The following CLYBL variants were observed in gnomAD, a reference collection of about 807,000 sequenced individuals.
The protein encoded by CLYBL is citramalyl-CoA lyase, also known as citramalyl-CoA lyase, mitochondrial.
CLYBL carries 31 observed loss-of-function variants against 38.9 expected under a neutral mutation model. The observed-to-expected ratio is 0.80, with a 90% CI of 0.60 to 1.08. The LOEUF is 1.08. Among genes scored for constraint, CLYBL ranks in the 50% least tolerant of loss-of-function variants. CLYBL has a pLI of 0.00. For missense variants in CLYBL, 434 were observed against 411.6 expected (o/e 1.05, Z -0.47); for synonymous variants, 171 against 158.6 (o/e 1.08, Z -0.59).
At chr13:99,889,863 A>G (rs190925156) in intron 7 of CLYBL, among the ~76,000 whole-genome samples, 1 of 152,124 alleles carries the variant, frequency 6.6e-6, no homozygotes, top group Admixed American at 6.5e-5. Flanking sequence ...GGGAATTGGT[A>G]CTTGTGAAAT....
chr13:99,828,384 A>G (rs888564106), intron 2 of CLYBL, among the ~76,000 whole-genome samples: 1 of 152,368 alleles, frequency 6.6e-6, no homozygotes, highest in African/African-American at 2.4e-5. Context: ...AGCTGTTCCC[A>G]CAGAAACAGC....
chr13:99,879,508 T>C (rs1267186289), intron 7 of CLYBL, among the ~76,000 whole-genome samples: 1 of 152,230 alleles, frequency 6.6e-6, no homozygotes, highest in Non-Finnish European at 1.5e-5. Flanking sequence ...TGCATTTGAT[T>C]AGCGTCTGTC....
chr13:99,723,546 C>T lies in CLYBL; in HGVS notation c.63-49278C>T, dbSNP rs528274826. Among the ~76,000 whole-genome samples, 54 of 152,272 alleles carry T rather than the reference C, an allele frequency of 3.5e-4. 1 individual carries two copies. Among genetic ancestry groups the T allele is most frequent in the African/African-American group, 1.2e-3 (49 of 41,550 alleles). On this transcript the variant is annotated intron_variant, in intron 1 of 8. Coordinates refer to ENST00000339105, the MANE Select transcript of CLYBL (RefSeq NM_206808.5). ...AATCTGAAATTTAGATTAAATAGGG[C>T]TGTAATCGTAATGTGAGTCAAGAGG...
At chr13:99,612,386 C>CTTTTTTTTTTTT (rs56097059) in intron 1 of CLYBL, among the ~76,000 whole-genome samples, 12 of 112,346 alleles carry the variant, frequency 1.1e-4, no homozygotes, top group East Asian at 8.3e-4. Context: ...GACCTTTCTA[C>CTTTTTTTTTTTT]TTTTTTTTTT....
At chr13:99,757,604 G>A (rs2049089740) in intron 1 of CLYBL, among the ~76,000 whole-genome samples, 1 of 152,026 alleles carries the variant, frequency 6.6e-6, no homozygotes, top group Non-Finnish European at 1.5e-5. Context: ...TACAGGCACC[G>A]GCCACACTAT....
chr13:99,840,432 C>T (rs918580873), intron 2 of CLYBL, among the ~76,000 whole-genome samples: 2 of 151,836 alleles, frequency 1.3e-5, no homozygotes, highest in Non-Finnish European at 2.9e-5. Flanking sequence ...GGCAACATAG[C>T]GACAGCCTGT....
intron 1 of CLYBL, among the ~76,000 whole-genome samples, chr13:99,640,726 A>C (rs2047081130): frequency 6.6e-6 from 1 of 152,296 alleles, no homozygotes; most frequent in African/African-American, 2.4e-5. Flanking sequence ...GAAGTGTTCA[A>C]TTAGAAACTG....
chr13:99,692,360 C>T (rs975976158), intron 1 of CLYBL, among the ~76,000 whole-genome samples: 4 of 151,026 alleles, frequency 2.6e-5, no homozygotes, highest in Non-Finnish European at 4.4e-5. Flanking sequence ...GGCATGATCT[C>T]GGCTCACTGC....
intron 1 of CLYBL, among the ~76,000 whole-genome samples, chr13:99,725,401 A>G (rs1279495651): frequency 6.6e-6 from 1 of 152,124 alleles, no homozygotes; most frequent in Non-Finnish European, 1.5e-5. Flanking sequence ...AGGGCTAACA[A>G]TGTGAGCTTT....
intron 2 of CLYBL, among the ~76,000 whole-genome samples, chr13:99,775,388 CCA>C (rs2049490600): frequency 1.3e-5 from 2 of 152,170 alleles, no homozygotes; most frequent in South Asian, 4.1e-4. Flanking sequence ...TGATTGCCCA[CCA>C]TCTTGAAGTA....
At chr13:99,904,418 T>C (rs183889868) in intron 8 of CLYBL, among the ~76,000 whole-genome samples, 10 of 152,334 alleles carry the variant, frequency 6.6e-5, no homozygotes, top group Admixed American at 5.9e-4. Context: ...TCCATAATTA[T>C]GTTTGGGTCT....
At chr13:99,705,298 C>A (rs1227095620) in intron 1 of CLYBL, among the ~76,000 whole-genome samples, 4 of 151,986 alleles carry the variant, frequency 2.6e-5, no homozygotes, top group African/African-American at 9.7e-5. Context: ...GAATGAAATT[C>A]TACCAGTCAC....
At chr13:99,688,641 A>G (rs1015706104) in intron 1 of CLYBL, among the ~76,000 whole-genome samples, 5 of 151,740 alleles carry the variant, frequency 3.3e-5, no homozygotes, top group African/African-American at 7.3e-5. Context: ...ACTCTTTAAG[A>G]ATAACAAGTG....
chr13:99,825,887 C>G (rs1479197887), intron 2 of CLYBL, among the ~76,000 whole-genome samples: 1 of 152,178 alleles, frequency 6.6e-6, no homozygotes, highest in African/African-American at 2.4e-5. Context: ...AGTTTGCCTC[C>G]CAGTCCCCTC....
At position 99,631,314 on chromosome 13, in the gene CLYBL, C is replaced by A. The variant is rs994440764; in HGVS notation, c.62+24557C>A. 3.5e-5 allele frequency among the ~76,000 whole-genome samples: 5 copies of A among 144,746 alleles called. No homozygotes were observed. The Admixed American group carries it at 3.5e-4, about 10-fold the overall frequency. The allele number at this position is 144,746 out of a possible 152,430, so 95.0% of individuals were successfully genotyped here. On this transcript the variant is annotated intron_variant, in intron 1 of 8. Transcript: ENST00000339105. ...TCCAGCCTGGGTGGCAGAGCCAGAC[C>A]CTGTCTCCAAATATTTATGTGTGTG... is the stretch of plus-strand genomic sequence containing the variant.
intron 1 of CLYBL, among the ~76,000 whole-genome samples, chr13:99,752,189 G>C (rs886262459): frequency 6.6e-6 from 1 of 152,140 alleles, no homozygotes; most frequent in East Asian, 1.9e-4. Context: ...TGAAGCCGAC[G>C]GAGAGCATTA....
chr13:99,835,487 A>G lies in CLYBL; in HGVS notation c.250-23374A>G, dbSNP rs2050914359. Among the ~76,000 whole-genome samples the G allele has an allele frequency of 2.6e-5, 4 of 152,154 alleles. No individual in the cohort carries two copies. In the South Asian group the frequency reaches 8.3e-4, roughly 32 times the overall value. On this transcript the variant is annotated intron_variant, in intron 2 of 8. Coordinates refer to ENST00000339105, the MANE Select transcript of CLYBL (RefSeq NM_206808.5). ...CAGGTGGCTTCCTTTTAAGGGTTAA[A>G]TGTTGCCTACACCACTTCTGTTCCA...
At chr13:99,819,467 T>TATAA (rs1566340310) in intron 2 of CLYBL, among the ~76,000 whole-genome samples, 13 of 55,674 alleles carry the variant, frequency 2.3e-4, no homozygotes, top group African/African-American at 7.5e-4. Context: ...TATATATATA[T>TATAA]AATATTTGTC....
At chr13:99,607,885 A>G (rs536123373) in intron 1 of CLYBL, among the ~76,000 whole-genome samples, 2 of 152,154 alleles carry the variant, frequency 1.3e-5, no homozygotes, top group South Asian at 4.1e-4. Context: ...CTGGCATTAC[A>G]GGTGTGCACC....
Sources: allele counts gnomAD v4.1 joint callset (sites outside exome capture counted in the v4.1 genomes callset), GRCh38; gene constraint gnomAD v4.1.1; transcripts MANE v1.5; gene names NCBI Gene and HGNC (gene_info 2026-07-23, HGNC 2026-07-21).